LIPH: variants seen among roughly 807,000 people sequenced by gnomAD.
LIPH encodes lipase H, also known as lipase member H.
LIPH carries 32 observed loss-of-function variants against 47.6 expected under a neutral mutation model. The observed-to-expected ratio is 0.67, with a 90% CI of 0.51 to 0.90. The LOEUF is 0.90. LIPH is among the 40% of genes least tolerant of loss of function. LIPH has a pLI of 0.00. For synonymous variants in LIPH, 190 were observed against 195.6 expected, an observed-to-expected ratio of 0.97 and a Z score of 0.24; for missense variants, 497 against 541.4, an observed-to-expected ratio of 0.92 and a Z score of 0.81.
intron 8 of LIPH, among the ~76,000 whole-genome samples, chr3:185,513,321 A>G (rs1485103286): frequency 6.7e-6 from 1 of 148,200 alleles, no homozygotes; most frequent in African/African-American, 2.5e-5. Flanking sequence ...GCCTGGTGAC[A>G]GGGCAAGGCT....
chr3:185,510,354 G>A (rs1319327949), intron 9 of LIPH, among the ~76,000 whole-genome samples: 1 of 152,146 alleles, frequency 6.6e-6, no homozygotes, highest in Non-Finnish European at 1.5e-5. Flanking sequence ...TGGTAGACTG[G>A]CATTTGTCAC....
chr3:185,550,815 G>T (rs561297019), intron 1 of LIPH, among the ~76,000 whole-genome samples: 2 of 152,036 alleles, frequency 1.3e-5, no homozygotes, highest in African/African-American at 4.8e-5. Context: ...TGATCCACGC[G>T]CCTTGGCCTT....
intron 8 of LIPH, among the ~76,000 whole-genome samples, chr3:185,513,035 TAGTA>T (rs1210715715): frequency 1.3e-5 from 2 of 151,914 alleles, no homozygotes; most frequent in Non-Finnish European, 2.9e-5. Flanking sequence ...GCCAGAAAGT[TAGTA>T]AGTGTTTTAA....
In LIPH at chr3:185,507,681, T is replaced by G. The variant is rs1316358771; in HGVS notation, c.*1109A>C. Reference sequence around the variant, plus strand: ...ATTCCTCAAACTGGAGTCTTCAGATTCTCCAAAAGCAAACCGGTTCATGTT... The same window carrying G: ...ATTCCTCAAACTGGAGTCTTCAGATGCTCCAAAAGCAAACCGGTTCATGTT... On this transcript the variant is annotated 3_prime_UTR_variant, in exon 10 of 10. Coordinates refer to ENST00000296252, the MANE Select transcript of LIPH (RefSeq NM_139248.3). 6.6e-6 allele frequency: 1 copy of G among 152,138 alleles called. No individual in the cohort carries two copies. The highest frequency in any genetic ancestry group is 1.9e-4 in the East Asian group (1 of 5,180). The allele number at this position is 152,138 out of a possible 1,614,324, so 9.4% of individuals were successfully genotyped here.
At chr3:185,539,843 G>A (rs1398703687) in intron 1 of LIPH, among the ~76,000 whole-genome samples, 1 of 152,200 alleles carries the variant, frequency 6.6e-6, no homozygotes, top group African/African-American at 2.4e-5. Context: ...AACTTCTGGA[G>A]GAAGCACAGC....
intron 3 of LIPH, among the ~76,000 whole-genome samples, chr3:185,531,823 GTTGTT>G (rs1720339851): frequency 6.6e-6 from 1 of 152,062 alleles, no homozygotes; most frequent in Non-Finnish European, 1.5e-5. Flanking sequence ...TTCCTTTTTT[GTTGTT>G]TTGTTTTGGT....
chr3:185,516,508 C>T (rs1300575555), intron 7 of LIPH, among the ~76,000 whole-genome samples: 1 of 152,130 alleles, frequency 6.6e-6, no homozygotes, highest in Non-Finnish European at 1.5e-5. Flanking sequence ...GTAGGAAAAA[C>T]ACATCTGCCC....
chr3:185,546,940 G>A, intron 1 of LIPH: 1 of 451,134 alleles, frequency 2.2e-6, no homozygotes, highest in Non-Finnish European at 4.4e-6. Flanking sequence ...TCTTCAAAGA[G>A]AGGAGACTCC....
intron 4 of LIPH, 112 bp from the exon 5 acceptor site, chr3:185,524,272 T>G: frequency 1.4e-6 from 1 of 715,132 alleles, no homozygotes; most frequent in Non-Finnish European, 2.5e-6. Flanking sequence ...TTTATCATTA[T>G]TGTTATACCT....
intron 4 of LIPH, among the ~76,000 whole-genome samples, chr3:185,526,807 A>G (rs921974069): frequency 4.6e-5 from 7 of 151,762 alleles, no homozygotes; most frequent in Non-Finnish European, 8.8e-5. Context: ...CTGTGTGGAG[A>G]GATTTAACAC....
chr3:185,512,094 TTACA>T, intron 8 of LIPH, among the ~76,000 whole-genome samples: 1 of 152,272 alleles, frequency 6.6e-6, no homozygotes, highest in South Asian at 2.1e-4. Context: ...AAATAGATGC[TTACA>T]GAGATCAAGC....
intron 3 of LIPH, among the ~76,000 whole-genome samples, chr3:185,533,006 C>G (rs1720379835): frequency 6.6e-6 from 1 of 152,102 alleles, no homozygotes; most frequent in Non-Finnish European, 1.5e-5. Context: ...CTTTGAGACT[C>G]TGAAAGAGAG....
intron 1 of LIPH, among the ~76,000 whole-genome samples, chr3:185,546,594 T>G (rs1720881612): frequency 6.6e-6 from 1 of 151,756 alleles, no homozygotes; most frequent in Non-Finnish European, 1.5e-5. Context: ...AGCCCAAGAG[T>G]TCGAGACCCG....
intron 5 of LIPH, 128 bp from the exon 6 acceptor site, chr3:185,519,437 A>T: frequency 1.4e-6 from 1 of 705,938 alleles, no homozygotes; most frequent in Non-Finnish European, 2.6e-6. Context: ...TATTTCATTT[A>T]ATCTTTATAA....
intron 1 of LIPH, among the ~76,000 whole-genome samples, chr3:185,542,209 T>C (rs1577688535): frequency 6.6e-6 from 1 of 152,182 alleles, no homozygotes; most frequent in East Asian, 1.9e-4. Flanking sequence ...AGAGCAACAC[T>C]CTGCCTTCTT....
rs535190750 is a variant in LIPH, at chr3:185,530,683, T to C, written c.526+2888A>G. Among the ~76,000 whole-genome samples, 3 of 151,594 alleles carry C rather than the reference T, an allele frequency of 2.0e-5. No homozygotes were observed. In the East Asian group the frequency reaches 5.8e-4, roughly 30 times the overall value. The stretch of plus-strand genomic sequence containing the variant: ...AGACTGTGTCTCAAAAAAACAAAAA[T>C]AAATAAATAAAATTAACAGAGCTTC... On this transcript the variant is annotated intron_variant, in intron 3 of 9. Coordinates refer to ENST00000296252, the MANE Select transcript of LIPH (RefSeq NM_139248.3).
intron 4 of LIPH, among the ~76,000 whole-genome samples, chr3:185,525,168 C>T (rs568085661): frequency 2.0e-5 from 3 of 152,076 alleles, no homozygotes; most frequent in South Asian, 2.1e-4. Flanking sequence ...GAGCCAAAAG[C>T]GCGACTGCAT....
intron 5 of LIPH, among the ~76,000 whole-genome samples, chr3:185,521,246 C>T (rs577331605): frequency 2.6e-5 from 4 of 152,222 alleles, no homozygotes; most frequent in Non-Finnish European, 5.9e-5. Flanking sequence ...TTTAGTTCAC[C>T]ATGGTAGTTT....
intron 1 of LIPH, among the ~76,000 whole-genome samples, chr3:185,551,517 G>A (rs1721048103): frequency 6.6e-6 from 1 of 152,112 alleles, no homozygotes; most frequent in African/African-American, 2.4e-5. Flanking sequence ...TTGATATACT[G>A]TCTTTTATCC....
Sources: allele counts gnomAD v4.1 joint callset (sites outside exome capture counted in the v4.1 genomes callset), GRCh38; gene constraint gnomAD v4.1.1; transcripts MANE v1.5; gene names NCBI Gene and HGNC (gene_info 2026-07-23, HGNC 2026-07-21).